The following SKAP2 variants were observed in gnomAD, a reference collection of about 807,000 sequenced individuals.
The protein encoded by SKAP2 is src kinase-associated phosphoprotein 2.
In SKAP2, 28 loss-of-function variants were observed where a neutral mutation model predicts 54.9. The observed-to-expected ratio is 0.51, with a 90% confidence interval of 0.38 to 0.70. The LOEUF is 0.70. SKAP2 is among the 30% of genes least tolerant of loss of function. The probability of loss-of-function intolerance (pLI) is 0.00; values close to 1 mark genes in which losing one functional copy is unlikely to be tolerated. For missense variants in SKAP2, 356 were observed against 424.1 expected (o/e 0.84, Z 1.41); for synonymous variants, 137 against 134.3 (o/e 1.02, Z -0.14).
intron 4 of SKAP2, among the ~76,000 whole-genome samples, chr7:26,771,041 T>G (rs1390561245): frequency 6.6e-6 from 1 of 152,230 alleles, no homozygotes; most frequent in Non-Finnish European, 1.5e-5. Flanking sequence ...ATAACTCCTC[T>G]CAGGAACCTT....
intron 11 of SKAP2, among the ~76,000 whole-genome samples, chr7:26,673,580 A>G (rs1216756829): frequency 6.6e-6 from 1 of 152,100 alleles, no homozygotes; most frequent in African/African-American, 2.4e-5. Flanking sequence ...TTGTATAAAA[A>G]TAGTACTCAA....
rs188136883 is a variant in SKAP2, at chr7:26,681,330, G to A, written c.987+3406C>T. ...AGCTGGGTGTGGTGGCACACTCTCA[G>A]CTACTTGGGAGGCTGAGGCAGGAGA... On this transcript the variant is annotated intron_variant, in intron 11 of 12. Coordinates refer to ENST00000345317, the MANE Select transcript of SKAP2 (RefSeq NM_003930.5). 3.7e-4 allele frequency among the ~76,000 whole-genome samples: 56 copies of A among 152,246 alleles called. 1 individual carries two copies. The highest frequency in any genetic ancestry group is 6.8e-3 in the Middle Eastern group (2 of 294).
intron 4 of SKAP2, among the ~76,000 whole-genome samples, chr7:26,755,950 T>A (rs995733001): frequency 1.3e-5 from 2 of 152,170 alleles, no homozygotes; most frequent in African/African-American, 4.8e-5. Flanking sequence ...AAAATGCTGT[T>A]ACATGATGGT....
intron 4 of SKAP2, among the ~76,000 whole-genome samples, chr7:26,760,595 T>C (rs906343418): frequency 6.6e-6 from 1 of 152,110 alleles, no homozygotes; most frequent in Non-Finnish European, 1.5e-5. Flanking sequence ...ATTATATTAA[T>C]AATAAATACT....
intron 1 of SKAP2, chr7:26,857,626 C>T: frequency 1.0e-6 from 1 of 985,406 alleles, no homozygotes; most frequent in South Asian, 4.7e-5. Flanking sequence ...GCTCTGCCCT[C>T]TGAGAAACGC....
At chr7:26,672,936 C>G (rs1178233587) in intron 11 of SKAP2, among the ~76,000 whole-genome samples, 1 of 151,990 alleles carries the variant, frequency 6.6e-6, no homozygotes, top group African/African-American at 2.4e-5. Flanking sequence ...ATCTGCCTGT[C>G]TATGCCTTTC....
rs552984612 is a variant in SKAP2, at chr7:26,771,852, C to A, written c.308-31888G>T. ...TTGAATATGTAGCTAAAAGATGATA[C>A]CAGAAAACCAGCCAAGAGAAAGTTA... On this transcript the variant is annotated intron_variant, in intron 4 of 12. Coordinates refer to ENST00000345317, the MANE Select transcript of SKAP2 (RefSeq NM_003930.5). 1.1e-4 allele frequency among the ~76,000 whole-genome samples: 17 copies of A among 152,148 alleles called. No individual in the cohort carries two copies. The East Asian group carries it at 2.5e-3, about 22-fold the overall frequency.
At chr7:26,807,822 G>A (rs562146133) in intron 4 of SKAP2, among the ~76,000 whole-genome samples, 60 of 152,262 alleles carry the variant, frequency 3.9e-4, no homozygotes, top group African/African-American at 1.3e-3. Flanking sequence ...GACGCAAGAC[G>A]CTCCACCAGC....
At chr7:26,674,796 A>G (rs1786318282) in intron 11 of SKAP2, among the ~76,000 whole-genome samples, 1 of 152,240 alleles carries the variant, frequency 6.6e-6, no homozygotes, top group Admixed American at 6.5e-5. Flanking sequence ...AGAGACAAAA[A>G]CAAGGAAGCT....
intron 4 of SKAP2, among the ~76,000 whole-genome samples, chr7:26,776,434 C>T (rs1783308869): frequency 6.6e-6 from 1 of 152,128 alleles, no homozygotes; most frequent in South Asian, 2.1e-4. Context: ...TCATTACCTC[C>T]TTCCTCTGTA....
At chr7:26,695,679 A>G (rs547921114) in intron 9 of SKAP2, among the ~76,000 whole-genome samples, 1 of 152,372 alleles carries the variant, frequency 6.6e-6, no homozygotes, top group South Asian at 2.1e-4. Flanking sequence ...ACACTATCAT[A>G]GCATCGTATC....
chr7:26,702,632 G>A (rs893457439), intron 9 of SKAP2, among the ~76,000 whole-genome samples: 2 of 152,248 alleles, frequency 1.3e-5, no homozygotes, highest in Admixed American at 1.3e-4. Context: ...GTAAGAAACT[G>A]AGGGTGGGGA....
At chr7:26,747,982 A>G (rs1485721203) in intron 4 of SKAP2, among the ~76,000 whole-genome samples, 1 of 152,208 alleles carries the variant, frequency 6.6e-6, no homozygotes, top group African/African-American at 2.4e-5. Flanking sequence ...AATAATGCTC[A>G]AAAAGTCACA....
chr7:26,817,180 A>G (rs1010651438), intron 4 of SKAP2, among the ~76,000 whole-genome samples: 5 of 152,174 alleles, frequency 3.3e-5, no homozygotes, highest in African/African-American at 1.2e-4. Context: ...TCTGGACTAA[A>G]TAACAGACCA....
chr7:26,744,739 T>TAC (rs35916384), intron 4 of SKAP2, among the ~76,000 whole-genome samples: 99 of 150,496 alleles, frequency 6.6e-4, no homozygotes, highest in Middle Eastern at 3.4e-3. Context: ...ATGTTACACA[T>TAC]ACACACACAC....
intron 11 of SKAP2, among the ~76,000 whole-genome samples, chr7:26,674,145 T>G (rs762323916): frequency 2.0e-5 from 3 of 151,832 alleles, no homozygotes; most frequent in Non-Finnish European, 4.4e-5. Flanking sequence ...AAGCAACAGG[T>G]GTTTGCAATG....
At chr7:26,828,993 C>T (rs1784549389) in intron 4 of SKAP2, among the ~76,000 whole-genome samples, 1 of 152,014 alleles carries the variant, frequency 6.6e-6, no homozygotes, top group East Asian at 1.9e-4. Context: ...CGCGCCATTG[C>T]ACTCCAGCCT....
At chr7:26,774,521 GTA>G (rs879746688) in intron 4 of SKAP2, among the ~76,000 whole-genome samples, 3 of 148,748 alleles carry the variant, frequency 2.0e-5, no homozygotes, top group Admixed American at 6.7e-5. Context: ...GTGTGTGTAT[GTA>G]TATATATATA....
intron 4 of SKAP2, among the ~76,000 whole-genome samples, chr7:26,838,985 G>A (rs1476200688): frequency 6.6e-6 from 1 of 151,986 alleles, no homozygotes; most frequent in Non-Finnish European, 1.5e-5. Context: ...CATGTACTGT[G>A]TAAATAACTG....
Sources: gnomAD v4.1 joint callset for allele counts (sites outside exome capture counted in the v4.1 genomes callset) on GRCh38, gnomAD v4.1.1 for gene constraint, MANE v1.5 for transcripts, NCBI Gene and HGNC (gene_info 2026-07-23, HGNC 2026-07-21) for gene names.